Variants in TRIQK observed in about 807,000 individuals in gnomAD.
The protein encoded by TRIQK is triple QxxK/R motif-containing protein.
In TRIQK, 10 loss-of-function variants were observed where a neutral mutation model predicts 10.8. That is an observed-to-expected ratio of 0.92 (90% CI 0.57 to 1.57). TRIQK has a LOEUF of 1.57. TRIQK is among the 40% of genes most tolerant of loss of function. The probability of loss-of-function intolerance (pLI) is 0.00; values close to 1 mark genes in which losing one functional copy is unlikely to be tolerated. For synonymous variants in TRIQK, 33 were observed against 33.7 expected (o/e 0.98, Z 0.07); for missense variants, 107 against 97.7 (o/e 1.09, Z -0.40).
At chr8:92,891,780 G>C (rs962563045) in intron 4 of TRIQK, among the ~76,000 whole-genome samples, 2 of 151,866 alleles carry the variant, frequency 1.3e-5, no homozygotes, top group Non-Finnish European at 2.9e-5. Flanking sequence ...ATTCTCTTAA[G>C]TGACACTGTT....
chr8:93,013,468 G>A (rs1339173245), intron 1 of TRIQK, among the ~76,000 whole-genome samples: 1 of 152,100 alleles, frequency 6.6e-6, no homozygotes, highest in Non-Finnish European at 1.5e-5. Context: ...CAGAAGAGAG[G>A]TTGGGAGGGA....
chr8:92,969,795 T>A (rs1391513100), upstream of TRIQK, among the ~76,000 whole-genome samples: 3 of 152,004 alleles, frequency 2.0e-5, no homozygotes, highest in African/African-American at 7.3e-5. Context: ...TAATTTTTTT[T>A]AAATTTTAGG....
intron 2 of TRIQK, among the ~76,000 whole-genome samples, chr8:92,927,785 G>A (rs185213381): frequency 2.0e-5 from 3 of 152,270 alleles, no homozygotes; most frequent in Non-Finnish European, 2.9e-5. Context: ...GCAAAAGAGA[G>A]AGGTAGAGGA....
In TRIQK at chr8:92,884,543, T is replaced by G. The variant is rs1364130914; in HGVS notation, c.*2079A>C. On this transcript the variant is annotated 3_prime_UTR_variant, in exon 5 of 5. Transcript: ENST00000521988. ...AAATTTGCCTATAATTATACTATAT[T>G]TAGATTAATAGTTATCAAAAACATT... The G allele has an allele frequency of 6.6e-6, 2 of 303,614 alleles. No homozygotes were observed. The highest frequency in any genetic ancestry group is 1.3e-5 in the Non-Finnish European group (2 of 154,756). 18.8% of individuals were successfully genotyped at this position (303,614 alleles called of 1,614,324 possible).
At chr8:92,916,641 A>C (rs1277544121) in intron 3 of TRIQK, among the ~76,000 whole-genome samples, 1 of 152,092 alleles carries the variant, frequency 6.6e-6, no homozygotes, top group African/African-American at 2.4e-5. Flanking sequence ...AAAATCAAAA[A>C]TGCTGATTAT....
intron 1 of TRIQK, among the ~76,000 whole-genome samples, chr8:93,001,659 G>T (rs1813212047): frequency 1.3e-5 from 2 of 152,116 alleles, no homozygotes; most frequent in African/African-American, 4.8e-5. Context: ...TATATCTAAA[G>T]GGAGATATAG....
chr8:92,991,688 C>T (rs1294458322), intron 1 of TRIQK, among the ~76,000 whole-genome samples: 1 of 152,084 alleles, frequency 6.6e-6, no homozygotes, highest in Non-Finnish European at 1.5e-5. Flanking sequence ...AAAGCGTATT[C>T]AAATGGGAAG....
At chr8:93,000,068 C>A (rs1813193025) in intron 1 of TRIQK, among the ~76,000 whole-genome samples, 1 of 152,090 alleles carries the variant, frequency 6.6e-6, no homozygotes, top group African/African-American at 2.4e-5. Context: ...CACTATTAAA[C>A]AATTTTTAAA....
intron 2 of TRIQK, 45 bp downstream of exon 2, chr8:92,954,361 C>A (rs1812065601): frequency 6.6e-6 from 1 of 151,848 alleles, no homozygotes; most frequent in African/African-American, 2.4e-5. Context: ...AAACAAACCA[C>A]AAATCAAAAC....
rs756429184 is a variant in TRIQK, at chr8:92,886,716, G to A, written c.167C>T (p.Ala56Val). The A allele has an allele frequency of 6.5e-7, 1 of 1,531,150 alleles. No homozygotes were observed. Among genetic ancestry groups the A allele is most frequent in the South Asian group, 1.2e-5 (1 of 83,790 alleles). 94.8% of individuals were successfully genotyped at this position (1,531,150 alleles called of 1,614,324 possible). The change falls in exon 5 of 5, where the codon GCA (alanine) becomes GTA (valine). Residue 56 changes from alanine (A) to valine (V), a missense_variant. By Grantham distance (64) the Ala-to-Val change is moderately conservative (BLOSUM62 0). Transcript: ENST00000521988. ...AGCCAGTAGTAGTGCCAATATAGCTGCAAGTACAAGGCCAACTTCCTGGGA... is the reference window on the plus strand; with the variant it reads ...AGCCAGTAGTAGTGCCAATATAGCTACAAGTACAAGGCCAACTTCCTGGGA... ...IGIKEVGLVL[A>V]AILALLLAFY...
chr8:92,992,179 T>G (rs1449234686), intron 1 of TRIQK, among the ~76,000 whole-genome samples: 2 of 151,896 alleles, frequency 1.3e-5, no homozygotes, highest in African/African-American at 4.8e-5. Context: ...GCAAAAGCAA[T>G]CCACTGCTGG....
chr8:92,998,547 CA>C (rs1357770921), intron 1 of TRIQK, among the ~76,000 whole-genome samples: 3 of 151,880 alleles, frequency 2.0e-5, no homozygotes, highest in Admixed American at 2.0e-4. Context: ...TGTATAGAAA[CA>C]AAACTCCCCC....
At chr8:92,896,363 G>C (rs941770202) in intron 3 of TRIQK, among the ~76,000 whole-genome samples, 5 of 152,226 alleles carry the variant, frequency 3.3e-5, no homozygotes, top group African/African-American at 1.2e-4. Flanking sequence ...GACTTCAAAA[G>C]ATGTTCTGGA....
At chr8:92,980,306 C>T (rs1812973971) in intron 1 of TRIQK, among the ~76,000 whole-genome samples, 1 of 151,878 alleles carries the variant, frequency 6.6e-6, no homozygotes, top group South Asian at 2.1e-4. Context: ...AAATATGCTA[C>T]TCAAATTTGA....
chr8:92,953,530 G>T (rs1397352146), intron 2 of TRIQK: 1 of 151,852 alleles, frequency 6.6e-6, no homozygotes, highest in Non-Finnish European at 1.5e-5. Context: ...TTTTAATAAC[G>T]ACCAAAAGAA....
At chr8:92,908,271 G>A (rs183793110) in intron 3 of TRIQK, among the ~76,000 whole-genome samples, 40 of 151,982 alleles carry the variant, frequency 2.6e-4, no homozygotes, top group Non-Finnish European at 5.6e-4. Context: ...CTCAACAGTC[G>A]ACTTTACACT....
intron 1 of TRIQK, among the ~76,000 whole-genome samples, chr8:92,978,324 G>A (rs1256157211): frequency 6.6e-6 from 1 of 151,974 alleles, no homozygotes; most frequent in Non-Finnish European, 1.5e-5. Flanking sequence ...TCCCTCTTTG[G>A]GATTTTTGTC....
At chr8:92,892,133 C>T in intron 3 of TRIQK, 59 bp from the exon 4 acceptor site, 7 of 1,172,448 alleles carry the variant, frequency 6.0e-6, no homozygotes, top group South Asian at 5.8e-5. Context: ...GTTTAACAAT[C>T]ATTTGAAATG....
chr8:93,003,998 T>A lies in TRIQK; in HGVS notation c.-181+13611A>T, dbSNP rs1254423391. On this transcript the variant is annotated intron_variant, in intron 1 of 4. Transcript: ENST00000520686. The stretch of plus-strand genomic sequence containing the variant: ...CACAGCTACTTTCACAGGCTAGCAT[T>A]GAGTGCCTGTGGCTTTTCCAGGTGC... 4.6e-5 allele frequency among the ~76,000 whole-genome samples: 7 copies of A among 152,314 alleles called. No individual in the cohort carries two copies. In the East Asian group the frequency reaches 1.4e-3, roughly 29 times the overall value.
Sources: gnomAD v4.1 joint callset for allele counts (sites outside exome capture counted in the v4.1 genomes callset) on GRCh38, gnomAD v4.1.1 for gene constraint, MANE v1.5 for transcripts, NCBI Gene and HGNC (gene_info 2026-07-23, HGNC 2026-07-21) for gene names.